Variants in CDON observed in about 807,000 individuals in gnomAD.
CDON encodes cell adhesion molecule-related/down-regulated by oncogenes.
In CDON, 73 loss-of-function variants were observed where a neutral mutation model predicts 120.9. The ratio of observed to expected loss-of-function variants is 0.60; its 90% CI spans 0.50 to 0.73. The LOEUF is 0.73. Among genes scored for constraint, CDON ranks in the 30% least tolerant of loss-of-function variants. The pLI is 0.00. For missense variants in CDON, 1,470 were observed against 1,587.3 expected (o/e 0.93, Z 1.26); for synonymous variants, 566 against 573.5 (o/e 0.99, Z 0.19).
At chr11:126,037,101 C>T (rs1041213882) in intron 1 of CDON, among the ~76,000 whole-genome samples, 4 of 128,458 alleles carry the variant, frequency 3.1e-5, no homozygotes, top group African/African-American at 1.1e-4. Flanking sequence ...AACCCATTTT[C>T]TTTCTTTTTT....
chr11:126,062,965 A>G (rs894195779), upstream of CDON, among the ~76,000 whole-genome samples: 2 of 151,362 alleles, frequency 1.3e-5, no homozygotes, highest in Non-Finnish European at 3.0e-5. Flanking sequence ...GAGCAGCGGG[A>G]GGAGGGACCG....
At chr11:126,025,179 T>C (rs1947760587) in intron 1 of CDON, among the ~76,000 whole-genome samples, 1 of 152,110 alleles carries the variant, frequency 6.6e-6, no homozygotes, top group Non-Finnish European at 1.5e-5. Context: ...CATTCCAGGC[T>C]GGGCAACAGA....
rs754733084 is a variant in CDON at position 126,010,521 on chromosome 11, G to C, written c.1372C>G (p.Arg458Gly). The part of the protein sequence containing the change: ...HPSQVLRSKS[R>G]KSQLSRPEGL... Reference sequence around the variant, plus strand: ...TCAGGTCTTGATAACTGTGATTTTCGGGATTTCGATCTCAGGACTTGAGAT... The same window carrying C: ...TCAGGTCTTGATAACTGTGATTTTCCGGATTTCGATCTCAGGACTTGAGAT... The change falls in exon 8 of 20, where the codon CGA (arginine) becomes GGA (glycine). Residue 458 changes from arginine (R) to glycine (G), a missense_variant. Physicochemically the swap from Arg to Gly is moderately radical, Grantham distance 125. Transcript: ENST00000531738. The C allele has an allele frequency of 1.2e-6, 2 of 1,614,060 alleles. No individual in the cohort carries two copies. The highest frequency in any genetic ancestry group is 2.2e-5 in the South Asian group (2 of 91,074).
Position 126,019,741 on chromosome 11 carries a change from G to A in CDON, c.374C>T (p.Thr125Ile), listed in dbSNP as rs1432443996. 1.2e-6 allele frequency: 2 copies of A among 1,613,620 alleles called. No homozygotes were observed. The highest frequency in any genetic ancestry group is 1.7e-4 in the Middle Eastern group (1 of 6,048). The change falls in exon 4 of 20, where the codon ACA (threonine) becomes ATA (isoleucine). Residue 125 changes from threonine (T) to isoleucine (I), a missense_variant. Coordinates refer to ENST00000531738, the MANE Select transcript of CDON (RefSeq NM_001378964.1). ...TTCTTCTGCTGTAATAACATGCTTT[G>A]TGGATGAACCAAAATCACCAAGAAC... ...VAVLGDFGSS[T>I]KHVITAEEKS...
chr11:126,059,675 G>A (rs1948752062), intron 1 of CDON, among the ~76,000 whole-genome samples: 1 of 152,078 alleles, frequency 6.6e-6, no homozygotes, highest in Non-Finnish European at 1.5e-5. Flanking sequence ...CAGCGAGTCT[G>A]TTCCATTTAA....
chr11:125,981,394 GCA>G, intron 16 of CDON, 65 bp from the exon 17 acceptor site: 1 of 1,501,948 alleles, frequency 6.7e-7, no homozygotes, highest in Non-Finnish European at 9.1e-7. Flanking sequence ...ATGCACATAC[GCA>G]CACACGCATG....
At chr11:126,045,827 G>A (rs970776619) in intron 1 of CDON, among the ~76,000 whole-genome samples, 10 of 151,960 alleles carry the variant, frequency 6.6e-5, no homozygotes, top group Non-Finnish European at 1.2e-4. Flanking sequence ...AAAATTAGCC[G>A]GGCGTGGTGG....
rs1452349582 is a variant in CDON, at chr11:126,021,242, A to G, written c.349+6T>C. On this transcript the variant is annotated splice_donor_region_variant and intron_variant, in intron 3 of 19. Coordinates refer to ENST00000531738, the MANE Select transcript of CDON (RefSeq NM_001378964.1). ...CCATACCTAACAGGGACAAAATTAA[A>G]CTCACCTGCCACAGATACTGTCGCA... 4.3e-6 allele frequency: 7 copies of G among 1,613,590 alleles called. No individual in the cohort carries two copies. Among genetic ancestry groups the G allele is most frequent in the South Asian group, 1.1e-5 (1 of 90,966 alleles).
chr11:125,970,625 G>C (rs1354188090), intron 18 of CDON, among the ~76,000 whole-genome samples: 1 of 152,152 alleles, frequency 6.6e-6, no homozygotes. Context: ...TTCCCTTCTC[G>C]ATATCTGCTC....
chr11:125,970,513 A>T (rs1302472870), intron 18 of CDON, among the ~76,000 whole-genome samples: 1 of 151,758 alleles, frequency 6.6e-6, no homozygotes, highest in Non-Finnish European at 1.5e-5. Flanking sequence ...TGCTGTTTCC[A>T]CTAGTCACTG....
intron 1 of CDON, among the ~76,000 whole-genome samples, chr11:126,047,337 T>A (rs962863675): frequency 2.6e-5 from 4 of 152,106 alleles, no homozygotes; most frequent in Non-Finnish European, 4.4e-5. Context: ...ACTTTCACCA[T>A]TACCTATTAC....
chr11:125,993,147 A>G (rs181668114), intron 14 of CDON, among the ~76,000 whole-genome samples: 7 of 152,286 alleles, frequency 4.6e-5, no homozygotes, highest in Middle Eastern at 3.4e-3. Context: ...GAAGGTAGCT[A>G]TCGTGTTGCT....
chr11:125,997,449 C>G, intron 11 of CDON, 39 bp from the exon 12 acceptor site: 1 of 1,405,874 alleles, frequency 7.1e-7, no homozygotes, highest in Non-Finnish European at 1.0e-6. Context: ...CCCACCATGT[C>G]AGAGACAAGA....
chr11:125,997,752 TAATA>T (rs953387984), intron 11 of CDON, among the ~76,000 whole-genome samples: 77 of 152,356 alleles, frequency 5.1e-4, no homozygotes, highest in African/African-American at 1.8e-3. Flanking sequence ...TTAAAATTTA[TAATA>T]AATCTTCATA....
intron 8 of CDON, among the ~76,000 whole-genome samples, chr11:126,008,370 T>C (rs1202208501): frequency 1.3e-5 from 2 of 152,166 alleles, no homozygotes; most frequent in Non-Finnish European, 2.9e-5. Context: ...TTTAATAAAC[T>C]CGGTTGGATC....
At chr11:126,022,009 G>A (rs1302254480) in intron 2 of CDON, among the ~76,000 whole-genome samples, 1 of 151,488 alleles carries the variant, frequency 6.6e-6, no homozygotes, top group Non-Finnish European at 1.5e-5. Flanking sequence ...GGCTGAGGTG[G>A]GAGGATTGCT....
intron 18 of CDON, among the ~76,000 whole-genome samples, chr11:125,965,483 C>G (rs1945770851): frequency 1.3e-5 from 2 of 152,090 alleles, no homozygotes; most frequent in South Asian, 4.1e-4. Context: ...CAGGAGGAAA[C>G]AAGGTGTCAA....
intron 18 of CDON, among the ~76,000 whole-genome samples, chr11:125,969,804 T>C (rs1945910636): frequency 6.6e-6 from 1 of 152,148 alleles, no homozygotes; most frequent in South Asian, 2.1e-4. Context: ...TATTGTGGTA[T>C]CACAAAAAAT....
chr11:126,010,095 C>T (rs1947246914), intron 8 of CDON, among the ~76,000 whole-genome samples: 1 of 152,136 alleles, frequency 6.6e-6, no homozygotes, highest in Non-Finnish European at 1.5e-5. Flanking sequence ...TATTCTGGGC[C>T]TGCTCCCAAA....
Sources: allele counts gnomAD v4.1 joint callset (sites outside exome capture counted in the v4.1 genomes callset), GRCh38; gene constraint gnomAD v4.1.1; transcripts MANE v1.5; gene names NCBI Gene and HGNC (gene_info 2026-07-23, HGNC 2026-07-21).